CHMP3: variants seen among roughly 807,000 people sequenced by gnomAD.
The protein encoded by CHMP3 is 25.1 protein.
A neutral mutation model predicts 27.4 loss-of-function variants in CHMP3; 8 were observed. That is an observed-to-expected ratio of 0.29 (90% CI 0.17 to 0.53). The LOEUF (loss-of-function observed/expected upper bound fraction) is 0.53. CHMP3 is among the 20% of genes least tolerant of loss of function. CHMP3 has a pLI of 0.96. For synonymous variants in CHMP3, 86 were observed against 85.5 expected, an observed-to-expected ratio of 1.01 and a Z score of -0.03; for missense variants, 208 against 271.5, an observed-to-expected ratio of 0.77 and a Z score of 1.64.
At chr2:86,538,893 A>G (rs978046585) in intron 2 of CHMP3, among the ~76,000 whole-genome samples, 1 of 152,222 alleles carries the variant, frequency 6.6e-6, no homozygotes, top group Non-Finnish European at 1.5e-5. Context: ...AAAAGTAAAC[A>G]TAACTGTACA....
chr2:86,521,003 T>C (rs376733249), intron 3 of CHMP3, among the ~76,000 whole-genome samples: 7 of 152,222 alleles, frequency 4.6e-5, no homozygotes, highest in African/African-American at 1.4e-4. Flanking sequence ...TCAATGTACT[T>C]TGTAATCTCC....
intron 1 of CHMP3, among the ~76,000 whole-genome samples, chr2:86,560,222 G>A (rs1051148882): frequency 1.3e-4 from 20 of 151,806 alleles, no homozygotes; most frequent in African/African-American, 2.2e-4. Context: ...CTGAGATCGC[G>A]CCACTGCACT....
rs1558660037 is a variant in CHMP3, at chr2:86,549,262, C to CGGCCG, written c.46-6951_46-6950insCGGCC. Among the ~76,000 whole-genome samples the CGGCCG allele has an allele frequency of 4.9e-3, 686 of 139,484 alleles. 35 individuals are homozygous for CGGCCG. The highest frequency in any genetic ancestry group is 0.018 in the African/African-American group (641 of 36,500). The allele number at this position is 139,484 out of a possible 152,430, so 91.5% of individuals were successfully genotyped here. A position where few individuals can be genotyped will look rare whatever the true frequency, so the allele number is the denominator to read the frequency against. ...GGCGCTCCTCGCCTCCCAGACGGGGCGGCAGGGCAGAGGCGCTCCTCGCCT... is the reference window on the plus strand; with the variant it reads ...GGCGCTCCTCGCCTCCCAGACGGGGCGGCCGGGCAGGGCAGAGGCGCTCCTCGCCT... On this transcript the variant is annotated intron_variant, in intron 1 of 5. Transcript: ENST00000263856.
At chr2:86,538,652 G>A (rs539009460) in intron 2 of CHMP3, among the ~76,000 whole-genome samples, 13 of 152,192 alleles carry the variant, frequency 8.5e-5, no homozygotes, top group African/African-American at 3.1e-4. Flanking sequence ...AGTCATGAGT[G>A]CTCACCCAAG....
chr2:86,561,525 A>C (rs1168894709), intron 1 of CHMP3: 6 of 152,202 alleles, frequency 3.9e-5, no homozygotes, highest in African/African-American at 1.4e-4. Flanking sequence ...CAAGATCCCT[A>C]ATGATTAGTG....
intron 2 of CHMP3, among the ~76,000 whole-genome samples, chr2:86,539,035 C>G (rs7596624): frequency 0.018 from 2,795 of 152,220 alleles, 93 homozygotes; most frequent in African/African-American, 0.064. Flanking sequence ...GTAAGTATAG[C>G]CAATAGCTTG....
In CHMP3 at chr2:86,529,451, T is replaced by G. The variant is rs1003167626; in HGVS notation, c.107-54A>C. On this transcript the variant is annotated intron_variant, in intron 2 of 5. Transcript: ENST00000263856. ...AAGGGTAAGTCAGGTTTATTGGCAC[T>G]CAAATACATTCTTATTGTGATCTAA... 4.5e-5 allele frequency: 67 copies of G among 1,479,070 alleles called. No homozygotes were observed. The South Asian group carries it at 8.5e-4, about 19-fold the overall frequency. 91.6% of individuals were successfully genotyped at this position (1,479,070 alleles called of 1,614,324 possible).
chr2:86,534,761 A>G (rs1279315611), intron 2 of CHMP3, among the ~76,000 whole-genome samples: 2 of 152,208 alleles, frequency 1.3e-5, no homozygotes, highest in African/African-American at 2.4e-5. Context: ...TTATCTGATA[A>G]TAACATAGCT....
intron 3 of CHMP3, among the ~76,000 whole-genome samples, chr2:86,517,537 G>C (rs1675360317): frequency 2.2e-5 from 3 of 136,800 alleles, no homozygotes; most frequent in Admixed American, 8.2e-5. Flanking sequence ...CCGCACTCCA[G>C]CCTGGGAGAC....
chr2:86,526,389 G>T (rs543195812), intron 3 of CHMP3, among the ~76,000 whole-genome samples: 1 of 152,056 alleles, frequency 6.6e-6, no homozygotes, highest in Non-Finnish European at 1.5e-5. Context: ...AAGTCAAAAA[G>T]GTGAAAAGGT....
At chr2:86,534,621 G>C (rs1036491786) in intron 2 of CHMP3, among the ~76,000 whole-genome samples, 2 of 152,054 alleles carry the variant, frequency 1.3e-5, no homozygotes, top group Non-Finnish European at 2.9e-5. Flanking sequence ...GTCCACTTTT[G>C]CTGCATATGT....
rs374856924 is a variant in CHMP3 at position 86,562,940 on chromosome 2, G to T, written c.45+364C>A. ...GAGAAGGTTCTCCGGGTGGTCCGCAGCCGGGCTGGAGGGGTGGGGCCTACG... is the reference window on the plus strand; with the variant it reads ...GAGAAGGTTCTCCGGGTGGTCCGCATCCGGGCTGGAGGGGTGGGGCCTACG... On this transcript the variant is annotated intron_variant, in intron 1 of 5. Transcript: ENST00000263856. 1.1e-3 allele frequency: 220 copies of T among 200,146 alleles called. 1 individual carries two copies. The highest frequency in any genetic ancestry group is 4.7e-3 in the African/African-American group (204 of 43,554). 12.4% of individuals were successfully genotyped at this position (200,146 alleles called of 1,614,324 possible).
At chr2:86,560,856 G>C (rs1205424614) in intron 1 of CHMP3, among the ~76,000 whole-genome samples, 10 of 152,160 alleles carry the variant, frequency 6.6e-5, no homozygotes, top group Non-Finnish European at 1.3e-4. Context: ...GCAGGAGCAA[G>C]AGAGAATGAG....
intron 2 of CHMP3, among the ~76,000 whole-genome samples, chr2:86,541,578 A>G (rs1260691290): frequency 6.6e-6 from 1 of 152,110 alleles, no homozygotes; most frequent in Non-Finnish European, 1.5e-5. Flanking sequence ...CTTTGTTTCT[A>G]TTCTCTCAGT....
At chr2:86,533,301 T>C (rs914745425) in intron 2 of CHMP3, among the ~76,000 whole-genome samples, 2 of 152,232 alleles carry the variant, frequency 1.3e-5, no homozygotes, top group Admixed American at 1.3e-4. Flanking sequence ...TACTTTCAAC[T>C]TTCTCTTCTT....
intron 3 of CHMP3, among the ~76,000 whole-genome samples, chr2:86,513,666 ATAAGTT>A (rs1280606171): frequency 6.6e-6 from 1 of 152,244 alleles, no homozygotes; most frequent in Non-Finnish European, 1.5e-5. Flanking sequence ...TGCTCAAAAA[ATAAGTT>A]TACTAAAAAA....
intron 3 of CHMP3, among the ~76,000 whole-genome samples, chr2:86,516,192 G>C (rs1156311080): frequency 6.7e-6 from 1 of 150,102 alleles, no homozygotes; most frequent in Admixed American, 6.6e-5. Context: ...GGCAAAAAGT[G>C]GGGAGAAGGA....
At position 86,520,984 on chromosome 2, in the gene CHMP3, C is replaced by T. The variant is rs550678796; in HGVS notation, c.286+8234G>A. Among the ~76,000 whole-genome samples, 7 of 152,268 alleles carry T rather than the reference C, an allele frequency of 4.6e-5. No individual in the cohort carries two copies. The South Asian group carries it at 1.2e-3, about 27-fold the overall frequency. On this transcript the variant is annotated intron_variant, in intron 3 of 5. Coordinates refer to ENST00000263856, the MANE Select transcript of CHMP3 (RefSeq NM_016079.4). ...CCATTGTGATTTGTTTCTGCCCCAC[C>T]CTCACTGATCAATGTACTTTGTAAT...
chr2:86,539,016 T>TC (rs1225085571), intron 2 of CHMP3, among the ~76,000 whole-genome samples: 1 of 152,188 alleles, frequency 6.6e-6, no homozygotes, highest in African/African-American at 2.4e-5. Context: ...AATCCACCAT[T>TC]CCCCCCGAGT....
Sources: gnomAD v4.1 joint callset for allele counts (sites outside exome capture counted in the v4.1 genomes callset) on GRCh38, gnomAD v4.1.1 for gene constraint, MANE v1.5 for transcripts, NCBI Gene and HGNC (gene_info 2026-07-23, HGNC 2026-07-21) for gene names.